Variants in AGBL1 observed in about 807,000 individuals in gnomAD.
The protein encoded by AGBL1 is cytosolic carboxypeptidase 4.
Under a neutral mutation model 118.9 loss-of-function variants are expected in AGBL1, and 130 were observed. That is an observed-to-expected ratio of 1.09 (90% confidence interval 0.95 to 1.26). The LOEUF is 1.26. AGBL1 is among the 50% of genes most tolerant of loss of function. The pLI is 0.00. For synonymous variants in AGBL1, 555 were observed against 478.9 expected, an observed-to-expected ratio of 1.16 and a Z score of -2.08; for missense variants, 1,584 against 1,298.1, an observed-to-expected ratio of 1.22 and a Z score of -3.38.
intron 22 of AGBL1, among the ~76,000 whole-genome samples, chr15:86,769,598 C>T (rs934019364): frequency 6.6e-6 from 1 of 151,970 alleles, no homozygotes; most frequent in Admixed American, 6.6e-5. Flanking sequence ...GGCCTGGCCA[C>T]CTGCAGGAGA....
intron 1 of AGBL1, among the ~76,000 whole-genome samples, chr15:86,091,349 G>A (rs1363236332): frequency 6.6e-6 from 1 of 152,120 alleles, no homozygotes; most frequent in East Asian, 1.9e-4. Flanking sequence ...GAATGTTGTG[G>A]TAACTCTTGA....
At chr15:86,689,308 C>A (rs2142595887) in intron 22 of AGBL1, among the ~76,000 whole-genome samples, 1 of 152,194 alleles carries the variant, frequency 6.6e-6, no homozygotes. Context: ...ACCACATTGC[C>A]TAAAGTAGCA....
intron 18 of AGBL1, among the ~76,000 whole-genome samples, chr15:86,505,369 T>C (rs35833374): frequency 6.6e-6 from 1 of 151,894 alleles, no homozygotes; most frequent in African/African-American, 2.4e-5. Context: ...TGTCTCTCTA[T>C]TGCTTCCCCT....
intron 21 of AGBL1, among the ~76,000 whole-genome samples, chr15:86,618,360 A>G (rs1362368786): frequency 1.3e-5 from 2 of 152,196 alleles, no homozygotes; most frequent in East Asian, 3.9e-4. Flanking sequence ...GGGGCTCATT[A>G]CATTCCTGAT....
At chr15:86,683,092 G>A (rs1468350947) in intron 22 of AGBL1, among the ~76,000 whole-genome samples, 2 of 152,130 alleles carry the variant, frequency 1.3e-5, no homozygotes, top group Non-Finnish European at 2.9e-5. Flanking sequence ...GTAATTAATG[G>A]TGTACACATG....
chr15:86,760,162 G>A (rs573732774), intron 22 of AGBL1, among the ~76,000 whole-genome samples: 5 of 152,060 alleles, frequency 3.3e-5, no homozygotes, highest in African/African-American at 9.6e-5. Context: ...ATGAGGCCCT[G>A]GTTGTTCTTT....
chr15:86,940,924 C>A (rs1040791765), intron 23 of AGBL1, among the ~76,000 whole-genome samples: 5 of 152,182 alleles, frequency 3.3e-5, no homozygotes, highest in Non-Finnish European at 7.3e-5. Flanking sequence ...CCTATAAAAC[C>A]AATGTCCTCT....
intron 1 of AGBL1, among the ~76,000 whole-genome samples, chr15:86,117,201 A>G (rs1232358730): frequency 1.3e-5 from 2 of 151,978 alleles, no homozygotes; most frequent in Non-Finnish European, 1.5e-5. Context: ...GTGATGCATG[A>G]TTACCTGCCT....
At chr15:86,206,567 A>G (rs8042226) in intron 5 of AGBL1, among the ~76,000 whole-genome samples, 79,022 of 152,072 alleles carry the variant, frequency 0.52, 22,637 homozygotes, top group African/African-American at 0.75. Context: ...ATGGCCAGTG[A>G]TGATGAGCAT....
At chr15:86,483,466 T>TAATG in intron 18 of AGBL1, among the ~76,000 whole-genome samples, 1 of 152,230 alleles carries the variant, frequency 6.6e-6, no homozygotes, top group East Asian at 1.9e-4. Context: ...GGAGGAGGTA[T>TAATG]AATGAGGCTT....
At chr15:86,153,763 T>C (rs1041850687) in intron 3 of AGBL1, among the ~76,000 whole-genome samples, 1 of 152,234 alleles carries the variant, frequency 6.6e-6, no homozygotes, top group Non-Finnish European at 1.5e-5. Flanking sequence ...TGGCCTATTA[T>C]ATACCTAAAA....
At position 86,169,032 on chromosome 15, in the gene AGBL1, A is replaced by AT. The variant is rs1254736640; in HGVS notation, c.488+10008dup. 2.0e-5 allele frequency among the ~76,000 whole-genome samples: 3 copies of AT among 152,226 alleles called. No homozygotes were observed. In the East Asian group the frequency reaches 5.8e-4, roughly 29 times the overall value. ...GGACATTAGGCAACGAAGGGCAGTG[A>AT]TTCCTGAGAGATAAGCCCTTAAATT... is the stretch of plus-strand genomic sequence containing the variant. On this transcript the variant is annotated intron_variant, in intron 5 of 22. Transcript: ENST00000614907.
At chr15:86,963,443 G>A (rs536458971) in intron 23 of AGBL1, among the ~76,000 whole-genome samples, 10 of 151,810 alleles carry the variant, frequency 6.6e-5, no homozygotes, top group Non-Finnish European at 1.5e-4. Flanking sequence ...GCTGTCCTCA[G>A]ATCAGTTAGA....
chr15:86,460,592 G>T (rs1359144849), intron 18 of AGBL1, among the ~76,000 whole-genome samples: 1 of 152,164 alleles, frequency 6.6e-6, no homozygotes, highest in South Asian at 2.1e-4. Context: ...TACCTCTCCT[G>T]GAGACAGGGA....
At chr15:86,281,428 G>T (rs2079352556) in intron 16 of AGBL1, among the ~76,000 whole-genome samples, 1 of 152,126 alleles carries the variant, frequency 6.6e-6, no homozygotes, top group Non-Finnish European at 1.5e-5. Context: ...AAAAAAGTCT[G>T]CTAGGGATGG....
intron 18 of AGBL1, among the ~76,000 whole-genome samples, chr15:86,494,014 C>T (rs4264364): frequency 0.56 from 85,119 of 151,782 alleles, 24,369 homozygotes; most frequent in East Asian, 0.76. Flanking sequence ...CTCTCCCTTT[C>T]GCAGGCATAC....
intron 22 of AGBL1, among the ~76,000 whole-genome samples, chr15:86,856,207 T>C (rs1017989556): frequency 4.6e-5 from 7 of 152,198 alleles, no homozygotes; most frequent in African/African-American, 1.7e-4. Flanking sequence ...TCCTGGCTTC[T>C]CTGTCCCTGC....
At chr15:86,958,206 TAA>T (rs545565434) in intron 23 of AGBL1, among the ~76,000 whole-genome samples, 14 of 125,138 alleles carry the variant, frequency 1.1e-4, no homozygotes, top group Admixed American at 1.6e-4. Flanking sequence ...TCTTGTTTCT[TAA>T]AAAAAAAAAA....
At chr15:86,574,878 C>T (rs1025340473) in intron 21 of AGBL1, among the ~76,000 whole-genome samples, 3 of 151,806 alleles carry the variant, frequency 2.0e-5, no homozygotes, top group East Asian at 2.0e-4. Context: ...GCACCTGGCC[C>T]TAATGTTTTT....
Sources: allele counts gnomAD v4.1 joint callset (sites outside exome capture counted in the v4.1 genomes callset), GRCh38; gene constraint gnomAD v4.1.1; transcripts MANE v1.5; gene names NCBI Gene and HGNC (gene_info 2026-07-23, HGNC 2026-07-21).